The following PAX7 variants were observed in gnomAD, a reference collection of about 807,000 sequenced individuals.
The protein encoded by PAX7 is paired box 7.
In PAX7, 18 loss-of-function variants were observed where a neutral mutation model predicts 50.7. That is an observed-to-expected ratio of 0.36 (90% confidence interval 0.25 to 0.53). The LOEUF (loss-of-function observed/expected upper bound fraction) is 0.53, where lower values mean the gene tolerates loss of function less well. PAX7 is among the 20% of genes least tolerant of loss of function. The pLI is 0.93. For missense variants in PAX7, 644 were observed against 702.9 expected, an observed-to-expected ratio of 0.92 and a Z score of 0.95; for synonymous variants, 310 against 290.4, an observed-to-expected ratio of 1.07 and a Z score of -0.69.
At chr1:18,691,189 G>A (rs1006661625) in intron 4 of PAX7, among the ~76,000 whole-genome samples, 4 of 152,160 alleles carry the variant, frequency 2.6e-5, no homozygotes, top group African/African-American at 9.7e-5. Context: ...GTGTTGTCCA[G>A]GCTGGTCTTG....
At position 18,724,897 on chromosome 1, in the gene PAX7, A is replaced by T. The variant is rs2089538809; in HGVS notation, c.1156-10735A>T. 2.0e-5 allele frequency among the ~76,000 whole-genome samples: 3 copies of T among 152,248 alleles called. No homozygotes were observed. The South Asian group carries it at 6.2e-4, about 32-fold the overall frequency. On this transcript the variant is annotated intron_variant, in intron 7 of 8. Coordinates refer to ENST00000420770, the MANE Select transcript of PAX7 (RefSeq NM_001135254.2). ...GCTACGCAGCCACATAGCCACAGCA[A>T]GGCACTGACGAAGGCAATACACATC... is the stretch of plus-strand genomic sequence containing the variant.
chr1:18,709,107 T>A (rs1476774734), intron 7 of PAX7, among the ~76,000 whole-genome samples: 3 of 152,174 alleles, frequency 2.0e-5, no homozygotes, highest in African/African-American at 4.8e-5. Flanking sequence ...CTTCCTCATC[T>A]CCCAACCTTT....
At position 18,745,136 on chromosome 1, in the gene PAX7, G is replaced by A; in HGVS notation, c.*207G>A. The A allele has an allele frequency of 1.7e-6, 1 of 576,754 alleles. No homozygotes were observed. Among genetic ancestry groups the A allele is most frequent in the East Asian group, 2.9e-5 (1 of 35,022 alleles). The allele number at this position is 576,754 out of a possible 1,614,324, so 35.7% of individuals were successfully genotyped here. ...ATCCAGAGTGATGCCCTTGGAGTCT[G>A]CTCCCCACTTTCCCCAAGGAGGGTT... On this transcript the variant is annotated 3_prime_UTR_variant, in exon 9 of 9. Transcript: ENST00000420770.
At chr1:18,713,629 CT>C (rs1193853856) in intron 7 of PAX7, among the ~76,000 whole-genome samples, 1 of 152,194 alleles carries the variant, frequency 6.6e-6, no homozygotes, top group Non-Finnish European at 1.5e-5. Context: ...GACAATACTC[CT>C]CATCCCACCC....
In PAX7 at chr1:18,635,126, G is replaced by A. The variant is rs764601304; in HGVS notation, c.337G>A (p.Asp113Asn). The change falls in exon 3 of 9, where the codon GAT (aspartate) becomes AAT (asparagine). Residue 113 changes from aspartate (D) to asparagine (N), a missense_variant. Transcript: ENST00000420770. ...GSKPRQVATPDVEKKIEEYKR... is the reference protein window; with the variant it reads ...GSKPRQVATPNVEKKIEEYKR... ...ACCTCTGAAGCAGGTGGCGACTCCG[G>A]ATGTAGAGAAAAAGATTGAGGAGTA... The A allele has an allele frequency of 3.7e-6, 6 of 1,613,786 alleles. No homozygotes were observed. The East Asian group carries it at 8.9e-5, about 24-fold the overall frequency.
intron 8 of PAX7, among the ~76,000 whole-genome samples, chr1:18,744,470 GGATGGATGGATAA>G (rs1403528230): frequency 7.2e-4 from 53 of 73,802 alleles, no homozygotes; most frequent in South Asian, 2.3e-3. Flanking sequence ...ATGGATGGAT[GGATGGATGGATAA>G]ATGGATGGAT....
intron 4 of PAX7, among the ~76,000 whole-genome samples, chr1:18,689,728 G>T (rs1225188739): frequency 6.6e-6 from 1 of 152,226 alleles, no homozygotes; most frequent in Non-Finnish European, 1.5e-5. Flanking sequence ...CAGCTTCCTG[G>T]CTATGAATGT....
In PAX7 at chr1:18,735,848, G is replaced by A; in HGVS notation, c.1372G>A (p.Ala458Thr). 6.2e-7 allele frequency: 1 copy of A among 1,614,146 alleles called. No individual in the cohort carries two copies. Among genetic ancestry groups the A allele is most frequent in the Non-Finnish European group, 8.5e-7 (1 of 1,180,036 alleles). ...STTGYSVDPV[A>T]GYQYGQYGQT... ...CACCGGCTACAGCGTGGACCCCGTG[G>A]CCGGCTATCAGTACGGCCAGTACGG... The change falls in exon 8 of 9, where the codon GCC becomes ACC. Residue 458 changes from alanine to threonine, a missense_variant. By Grantham distance (58) the Ala-to-Thr change is moderately conservative. Coordinates refer to ENST00000420770, the MANE Select transcript of PAX7 (RefSeq NM_001135254.2). This position sits in a 1 kb window ranked among gnomAD's most constrained non-coding sequence, Gnocchi z 4.0.
intron 4 of PAX7, among the ~76,000 whole-genome samples, chr1:18,670,064 C>T (rs1281485490): frequency 8.3e-6 from 1 of 120,964 alleles, no homozygotes; most frequent in Admixed American, 1.1e-4. Context: ...GTCTGGGTGA[C>T]AGAGTGAGAC....
At chr1:18,676,615 C>T (rs1255522817) in intron 4 of PAX7, among the ~76,000 whole-genome samples, 1 of 152,134 alleles carries the variant, frequency 6.6e-6, no homozygotes. Flanking sequence ...GCAGGGCAGG[C>T]CCCAGGCAGA....
rs574096671 is a variant in PAX7 at position 18,669,098 on chromosome 1, C to T, written c.587-22656C>T. Among the ~76,000 whole-genome samples the T allele has an allele frequency of 5.3e-5, 8 of 152,290 alleles. No individual in the cohort carries two copies. In the East Asian group the frequency reaches 5.8e-4, roughly 11 times the overall value. On this transcript the variant is annotated intron_variant, in intron 4 of 8. Coordinates refer to ENST00000420770, the MANE Select transcript of PAX7 (RefSeq NM_001135254.2). ...TTCCTTGGGGGCCCTTGGGAGGGAT[C>T]GGGGGCCAAGGGACAGGGGTCTCTC...
At chr1:18,736,856 C>G (rs1930729927) in intron 8 of PAX7, among the ~76,000 whole-genome samples, 1 of 152,242 alleles carries the variant, frequency 6.6e-6, no homozygotes, top group Admixed American at 6.5e-5. Context: ...GTTTCCCAGT[C>G]GCACTAGCCA....
chr1:18,668,994 A>C (rs2088705838), intron 4 of PAX7, among the ~76,000 whole-genome samples: 1 of 152,186 alleles, frequency 6.6e-6, no homozygotes, highest in African/African-American at 2.4e-5. Context: ...AGTTCTTCCC[A>C]GGCCAGGCCT....
chr1:18,631,493 TAA>T lies in PAX7; in HGVS notation c.-104_-103del. 1.1e-6 allele frequency: 1 copy of T among 916,806 alleles called. No individual in the cohort carries two copies. Among genetic ancestry groups the T allele is most frequent in the Non-Finnish European group, 1.7e-6 (1 of 577,914 alleles). 56.8% of individuals were successfully genotyped at this position (916,806 alleles called of 1,614,324 possible). A position where few individuals can be genotyped will look rare whatever the true frequency, so the allele number is the denominator to read the frequency against. Reference sequence around the variant, plus strand: ...TGTGTGGAGGGGAGGGAGAAGAGGTTAAAAAAAAGAAGACGAAGAAGACGGAA... The same window carrying T: ...TGTGTGGAGGGGAGGGAGAAGAGGTTAAAAAAGAAGACGAAGAAGACGGAA... On this transcript the variant is annotated 5_prime_UTR_variant, in exon 1 of 9. Transcript: ENST00000420770.
intron 7 of PAX7, among the ~76,000 whole-genome samples, chr1:18,721,703 A>G (rs1271160052): frequency 6.6e-6 from 1 of 152,212 alleles, no homozygotes; most frequent in Non-Finnish European, 1.5e-5. Flanking sequence ...GGATGTGGGG[A>G]TAAAAAGAAC....
In PAX7 at chr1:18,748,848, T is replaced by C. The variant is rs1363758301; in HGVS notation, c.*3919T>C. 5 of 199,326 alleles carry C rather than the reference T, an allele frequency of 2.5e-5. No individual in the cohort carries two copies. The allele number at this position is 199,326 out of a possible 1,614,324, so 12.3% of individuals were successfully genotyped here. ...GTAACTCAGGCGTAACTGTTATACA[T>C]TAAAAGAAATTAAAAGCATTTTGAA... On this transcript the variant is annotated 3_prime_UTR_variant, in exon 9 of 9. Coordinates refer to ENST00000420770, the MANE Select transcript of PAX7 (RefSeq NM_001135254.2).
intron 7 of PAX7, among the ~76,000 whole-genome samples, chr1:18,707,470 A>G (rs1203713624): frequency 8.4e-6 from 1 of 119,268 alleles, no homozygotes; most frequent in Non-Finnish European, 1.6e-5. Flanking sequence ...CCCAGGCTGG[A>G]GTGCAGTGGC....
chr1:18,673,919 A>T (rs963748588), intron 4 of PAX7, among the ~76,000 whole-genome samples: 2 of 152,246 alleles, frequency 1.3e-5, no homozygotes, highest in Admixed American at 6.5e-5. Flanking sequence ...TCAGTCCTCG[A>T]CCTCTTGGAA....
intron 8 of PAX7, among the ~76,000 whole-genome samples, chr1:18,738,317 C>T (rs1430711162): frequency 6.6e-6 from 1 of 152,158 alleles, no homozygotes; most frequent in Non-Finnish European, 1.5e-5. Context: ...TTTAGAGTGA[C>T]CCCAGCGGCA....
Sources: allele counts gnomAD v4.1 joint callset (sites outside exome capture counted in the v4.1 genomes callset), GRCh38; gene constraint gnomAD v4.1.1; non-coding constraint Gnocchi (gnomAD v3.1); transcripts MANE v1.5; gene names NCBI Gene and HGNC (gene_info 2026-07-23, HGNC 2026-07-21).